The following GDAP1 variants were observed in gnomAD, a reference collection of about 807,000 sequenced individuals.
The protein encoded by GDAP1 is ganglioside induced differentiation associated protein 1.
A neutral mutation model predicts 40.1 loss-of-function variants in GDAP1; 34 were observed. That is an observed-to-expected ratio of 0.85 (90% confidence interval 0.64 to 1.13). The LOEUF is 1.13. Ranked by LOEUF, GDAP1 falls within the 50% of genes most tolerant of loss-of-function variation. GDAP1 has a pLI of 0.00. For missense variants in GDAP1, 374 were observed against 433.7 expected (o/e 0.86, Z 1.22); for synonymous variants, 170 against 157.4 (o/e 1.08, Z -0.60).
intron 2 of GDAP1, among the ~76,000 whole-genome samples, chr8:74,477,940 C>A (rs536529260): frequency 6.6e-6 from 1 of 152,288 alleles, no homozygotes; most frequent in South Asian, 2.1e-4. Context: ...TCCGTTCTTG[C>A]TGATGGTGGT....
intron 2 of GDAP1, among the ~76,000 whole-genome samples, chr8:74,353,317 T>C (rs1256356787): frequency 1.3e-5 from 2 of 152,206 alleles, no homozygotes; most frequent in Non-Finnish European, 1.5e-5. Context: ...GCTTTTAGTC[T>C]GATGCTGCCA....
intron 2 of GDAP1, among the ~76,000 whole-genome samples, chr8:74,472,044 G>T (rs1175182666): frequency 6.6e-6 from 1 of 151,992 alleles, no homozygotes; most frequent in Non-Finnish European, 1.5e-5. Context: ...TTGTCACCAG[G>T]TACTAAGCCT....
intron 2 of GDAP1, among the ~76,000 whole-genome samples, chr8:74,464,708 G>C (rs1806446040): frequency 6.6e-6 from 1 of 152,182 alleles, no homozygotes. Context: ...TATATGCTAA[G>C]AGTATTGCTA....
At chr8:74,413,065 C>CAAAA (rs71269990) in intron 2 of GDAP1, among the ~76,000 whole-genome samples, 1,878 of 56,956 alleles carry the variant, frequency 0.033, 429 homozygotes, top group Middle Eastern at 0.094. Flanking sequence ...GACTCTGTCT[C>CAAAA]AAAAAAAAAA....
chr8:74,477,261 A>G (rs1806641983), intron 2 of GDAP1, among the ~76,000 whole-genome samples: 1 of 152,084 alleles, frequency 6.6e-6, no homozygotes, highest in African/African-American at 2.4e-5. Flanking sequence ...TTCATCCCCA[A>G]CCAGATTCCA....
At chr8:74,414,149 T>C (rs1805750468) in intron 2 of GDAP1, among the ~76,000 whole-genome samples, 1 of 150,310 alleles carries the variant, frequency 6.7e-6, no homozygotes, top group African/African-American at 2.5e-5. Context: ...TTGACTTTAA[T>C]CTGATCAATT....
chr8:74,450,121 G>T (rs1806279077), intron 2 of GDAP1, among the ~76,000 whole-genome samples: 1 of 146,844 alleles, frequency 6.8e-6, no homozygotes, highest in South Asian at 2.2e-4. Context: ...TATGTGTCTT[G>T]TTCAATTTCC....
At chr8:74,436,725 A>G (rs1263264185) in intron 2 of GDAP1, among the ~76,000 whole-genome samples, 1 of 152,036 alleles carries the variant, frequency 6.6e-6, no homozygotes, top group Non-Finnish European at 1.5e-5. Flanking sequence ...CCCGGCCACC[A>G]TCTCTTCCTT....
chr8:74,350,597 G>A lies in GDAP1; in HGVS notation c.117+19G>A, dbSNP rs376458436. On this transcript the variant is annotated intron_variant, in intron 1 of 5. Transcript: ENST00000220822. ...TCAAAAGGTACAACAGGCCTTGGCG[G>A]CGGAGGGTGGCGCGGATCGGGCTTC... The A allele has an allele frequency of 2.1e-6, 3 of 1,433,840 alleles. No individual in the cohort carries two copies. The highest frequency in any genetic ancestry group is 3.0e-6 in the Non-Finnish European group (3 of 1,015,518). The allele number at this position is 1,433,840 out of a possible 1,614,324, so 88.8% of individuals were successfully genotyped here.
chr8:74,428,661 T>TTTTTTTA (rs1805985441), intron 2 of GDAP1, among the ~76,000 whole-genome samples: 1 of 143,986 alleles, frequency 6.9e-6, no homozygotes, highest in Non-Finnish European at 1.5e-5. Flanking sequence ...TTTTTTTTTT[T>TTTTTTTA]AGTAGAGACA....
chr8:74,390,634 T>G (rs1388576529), intron 2 of GDAP1, among the ~76,000 whole-genome samples: 1 of 151,948 alleles, frequency 6.6e-6, no homozygotes, highest in Non-Finnish European at 1.5e-5. Flanking sequence ...TGCTGGGAGG[T>G]GTCTGCCAGT....
intron 2 of GDAP1, among the ~76,000 whole-genome samples, chr8:74,427,662 T>C (rs934356399): frequency 2.6e-5 from 4 of 152,174 alleles, no homozygotes; most frequent in African/African-American, 9.7e-5. Flanking sequence ...AAAAATTAAA[T>C]AAACAAACAC....
Position 74,350,444 on chromosome 8 carries a change from G to C in GDAP1, c.-18G>C. On this transcript the variant is annotated 5_prime_UTR_variant, in exon 1 of 6. Transcript: ENST00000220822. Reference sequence around the variant, plus strand: ...CAGGGCGGACAGGCTGGGCGCACCCGTGCTCGCGCACCCCAAGATGGCTGA... The same window carrying C: ...CAGGGCGGACAGGCTGGGCGCACCCCTGCTCGCGCACCCCAAGATGGCTGA... 1 of 1,515,814 alleles carries C rather than the reference G, an allele frequency of 6.6e-7. No individual in the cohort carries two copies. The highest frequency in any genetic ancestry group is 9.1e-7 in the Non-Finnish European group (1 of 1,092,950). 93.9% of individuals were successfully genotyped at this position (1,515,814 alleles called of 1,614,324 possible). A position where few individuals can be genotyped will look rare whatever the true frequency, so the allele number is the denominator to read the frequency against.
downstream of GDAP1, among the ~76,000 whole-genome samples, chr8:74,371,591 C>T (rs1809751344): frequency 6.6e-6 from 1 of 150,730 alleles, no homozygotes; most frequent in Non-Finnish European, 1.5e-5. Context: ...ACCCGGGAGG[C>T]GGAGCTTGCA....
intron 2 of GDAP1, among the ~76,000 whole-genome samples, chr8:74,425,983 G>A (rs1425922831): frequency 6.6e-6 from 1 of 151,986 alleles, no homozygotes; most frequent in Non-Finnish European, 1.5e-5. Flanking sequence ...CCTCATTGGC[G>A]ACTTTTTACT....
intron 2 of GDAP1, among the ~76,000 whole-genome samples, chr8:74,401,912 T>A (rs949204523): frequency 6.7e-6 from 1 of 149,962 alleles, no homozygotes; most frequent in African/African-American, 2.5e-5. Flanking sequence ...CGTTCCTCTG[T>A]AAGTTTTGTC....
chr8:74,424,079 T>G (rs10957718), intron 2 of GDAP1, among the ~76,000 whole-genome samples: 66,309 of 151,510 alleles, frequency 0.44, 15,468 homozygotes, highest in African/African-American at 0.62. Flanking sequence ...ACCAAAATCT[T>G]TAGATGCTCA....
At chr8:74,444,142 C>T (rs570724933) in intron 2 of GDAP1, among the ~76,000 whole-genome samples, 2 of 150,782 alleles carry the variant, frequency 1.3e-5, no homozygotes, top group African/African-American at 4.9e-5. Context: ...TGAAAACAGC[C>T]AACTGTCCAT....
At chr8:74,469,467 G>A (rs1313667066) in intron 2 of GDAP1, among the ~76,000 whole-genome samples, 1 of 152,036 alleles carries the variant, frequency 6.6e-6, no homozygotes, top group Non-Finnish European at 1.5e-5. Context: ...AGGAGATGGA[G>A]ACCATCTTGG....
Sources: allele counts gnomAD v4.1 joint callset (sites outside exome capture counted in the v4.1 genomes callset), GRCh38; gene constraint gnomAD v4.1.1; transcripts MANE v1.5; gene names NCBI Gene and HGNC (gene_info 2026-07-23, HGNC 2026-07-21).